ERC2: variants seen among roughly 807,000 people sequenced by gnomAD.
The protein encoded by ERC2 is ERC protein 2.
ERC2 carries 42 observed loss-of-function variants against 114.8 expected under a neutral mutation model. The ratio of observed to expected loss-of-function variants is 0.37; its 90% CI spans 0.29 to 0.47. The LOEUF (loss-of-function observed/expected upper bound fraction) is 0.47. ERC2 is among the 20% of genes least tolerant of loss of function. The pLI is 0.99. For missense variants in ERC2, 939 were observed against 1,150.7 expected, an observed-to-expected ratio of 0.82 and a Z score of 2.66; for synonymous variants, 454 against 425.5, an observed-to-expected ratio of 1.07 and a Z score of -0.82.
intron 14 of ERC2, among the ~76,000 whole-genome samples, chr3:55,779,295 A>C (rs1398261289): frequency 6.7e-6 from 1 of 148,840 alleles, no homozygotes; most frequent in African/African-American, 2.5e-5. Context: ...CAGCCTGGCC[A>C]ACATGATGAA....
At chr3:55,754,571 C>T (rs1045363591) in intron 14 of ERC2, among the ~76,000 whole-genome samples, 1 of 56,394 alleles carries the variant, frequency 1.8e-5, no homozygotes, top group Admixed American at 1.6e-4. Context: ...GAGAAAAAAA[C>T]CCTGCGTGGC....
At chr3:55,922,613 T>C (rs2065493149) in intron 13 of ERC2, among the ~76,000 whole-genome samples, 1 of 152,116 alleles carries the variant, frequency 6.6e-6, no homozygotes, top group Admixed American at 6.6e-5. Flanking sequence ...CTCTCAGATG[T>C]TCCTGGCTTG....
At chr3:56,001,440 CA>C (rs2072049051) in intron 10 of ERC2, among the ~76,000 whole-genome samples, 1 of 151,968 alleles carries the variant, frequency 6.6e-6, no homozygotes, top group Non-Finnish European at 1.5e-5. Context: ...GACACCAAGA[CA>C]GGGGGAGTTA....
intron 2 of ERC2, among the ~76,000 whole-genome samples, chr3:56,331,559 C>T (rs1444682299): frequency 1.3e-5 from 2 of 152,164 alleles, no homozygotes; most frequent in African/African-American, 2.4e-5. Context: ...GGCTCAGGAG[C>T]TTCTGGAACC....
chr3:56,373,882 G>T (rs1442885831), intron 2 of ERC2, among the ~76,000 whole-genome samples: 7 of 151,966 alleles, frequency 4.6e-5, no homozygotes, highest in Non-Finnish European at 1.0e-4. Flanking sequence ...TCTTTTGTGG[G>T]TTTTTTTAAA....
chr3:55,548,377 G>T (rs1168039629), intron 17 of ERC2, among the ~76,000 whole-genome samples: 1 of 152,252 alleles, frequency 6.6e-6, no homozygotes, highest in African/African-American at 2.4e-5. Flanking sequence ...TTGGTCAGTT[G>T]TTACAGGAGA....
intron 17 of ERC2, among the ~76,000 whole-genome samples, chr3:55,530,875 G>C (rs2053623259): frequency 6.6e-6 from 1 of 152,176 alleles, no homozygotes; most frequent in South Asian, 2.1e-4. Context: ...CCCTCCACCA[G>C]AACACCTTTC....
At chr3:55,702,853 A>C (rs1014714888) in intron 15 of ERC2, among the ~76,000 whole-genome samples, 1 of 152,150 alleles carries the variant, frequency 6.6e-6, no homozygotes, top group African/African-American at 2.4e-5. Context: ...CAGGAAAACT[A>C]ATATAGAGTT....
intron 3 of ERC2, among the ~76,000 whole-genome samples, chr3:56,195,885 T>A (rs1220902004): frequency 6.6e-6 from 1 of 152,014 alleles, no homozygotes; most frequent in East Asian, 1.9e-4. Context: ...GTCTACTGTC[T>A]GCACTTAACA....
At chr3:56,173,757 A>T (rs1328698266) in intron 3 of ERC2, 3 of 490,484 alleles carry the variant, frequency 6.1e-6, no homozygotes, top group African/African-American at 5.9e-5. Flanking sequence ...ATTAATGTCA[A>T]CTGTGACAAA....
At chr3:55,704,160 T>C (rs1481304749) in intron 15 of ERC2, among the ~76,000 whole-genome samples, 1 of 152,212 alleles carries the variant, frequency 6.6e-6, no homozygotes, top group South Asian at 2.1e-4. Context: ...TCCAACTCTT[T>C]TGACATTTCT....
chr3:56,324,406 TA>T (rs769920044), intron 2 of ERC2, among the ~76,000 whole-genome samples: 7 of 152,242 alleles, frequency 4.6e-5, no homozygotes, highest in Non-Finnish European at 8.8e-5. Flanking sequence ...TTGAAAATAT[TA>T]AGTAAAAAAT....
intron 17 of ERC2, among the ~76,000 whole-genome samples, chr3:55,516,242 C>T (rs1406962461): frequency 8.2e-6 from 1 of 121,862 alleles, no homozygotes; most frequent in Admixed American, 7.7e-5. Context: ...GTCGTTTCTG[C>T]TAAAAAAAAA....
chr3:55,573,997 T>G (rs1278149662), intron 17 of ERC2, among the ~76,000 whole-genome samples: 1 of 152,208 alleles, frequency 6.6e-6, no homozygotes, highest in Non-Finnish European at 1.5e-5. Context: ...CATTTATCCT[T>G]GCATTTGTAC....
At chr3:56,033,036 G>GAAA (rs1428838178) in intron 7 of ERC2, among the ~76,000 whole-genome samples, 4 of 69,412 alleles carry the variant, frequency 5.8e-5, no homozygotes, top group East Asian at 3.9e-4. Context: ...GAAACAGAAA[G>GAAA]AAAGAAAGAA....
At chr3:55,869,446 A>T (rs73073394) in intron 14 of ERC2, among the ~76,000 whole-genome samples, 14,531 of 152,206 alleles carry the variant, frequency 0.095, 778 homozygotes, top group South Asian at 0.16. Flanking sequence ...CATCTGTTTA[A>T]TCATCAAATT....
intron 7 of ERC2, among the ~76,000 whole-genome samples, chr3:56,025,143 C>T (rs1302068756): frequency 6.6e-6 from 1 of 152,194 alleles, no homozygotes; most frequent in Non-Finnish European, 1.5e-5. Context: ...GCCAATCTCT[C>T]CGTGTCCCTC....
At chr3:55,547,428 G>A (rs907524864) in intron 17 of ERC2, among the ~76,000 whole-genome samples, 3 of 152,230 alleles carry the variant, frequency 2.0e-5, no homozygotes, top group Non-Finnish European at 2.9e-5. Context: ...TCTGCAGGGG[G>A]GCTTTGAAAG....
intron 2 of ERC2, among the ~76,000 whole-genome samples, chr3:56,380,927 C>T (rs2059725168): frequency 6.6e-6 from 1 of 152,204 alleles, no homozygotes; most frequent in Admixed American, 6.5e-5. Context: ...TTTACACCTA[C>T]AATCCCTCTG....
Sources: gnomAD v4.1 joint callset for allele counts (sites outside exome capture counted in the v4.1 genomes callset) on GRCh38, gnomAD v4.1.1 for gene constraint, MANE v1.5 for transcripts, NCBI Gene and HGNC (gene_info 2026-07-23, HGNC 2026-07-21) for gene names.